Variants in NCOA2 observed in about 807,000 individuals in gnomAD.
The protein encoded by NCOA2 is nuclear receptor coactivator 2.
In NCOA2, 21 loss-of-function variants were observed where a neutral mutation model predicts 145.1. That is an observed-to-expected ratio of 0.14 (90% confidence interval 0.10 to 0.21). The LOEUF is 0.21. Ranked by LOEUF, NCOA2 falls within the 10% of genes least tolerant of loss-of-function variation. The pLI, the probability that NCOA2 is intolerant of heterozygous loss-of-function variation, is 1.00. For synonymous variants in NCOA2, 619 were observed against 637.5 expected, an observed-to-expected ratio of 0.97 and a Z score of 0.44; for missense variants, 1,472 against 1,837.6, an observed-to-expected ratio of 0.80 and a Z score of 3.64.
rs1367109709 is a variant in NCOA2 at position 70,245,432 on chromosome 8, G to A, written c.-19-28668C>T. ...GCCTTTTCTGCAGTCACATGACTCA[G>A]AAGCTACATTAGCAGAGCTTTATGA... On this transcript the variant is annotated intron_variant, in intron 2 of 22. Coordinates refer to ENST00000452400, the MANE Select transcript of NCOA2 (RefSeq NM_006540.4). The A allele has an allele frequency of 1.3e-5, 2 of 152,052 alleles. 1 individual carries two copies. The highest frequency in any genetic ancestry group is 2.9e-5 in the Non-Finnish European group (2 of 67,996). The allele number at this position is 152,052 out of a possible 1,614,324, so 9.4% of individuals were successfully genotyped here.
intron 1 of NCOA2, among the ~76,000 whole-genome samples, chr8:70,335,868 A>G (rs1318897672): frequency 6.6e-6 from 1 of 152,206 alleles, no homozygotes; most frequent in African/African-American, 2.4e-5. Flanking sequence ...CCTGTACAGT[A>G]TGCCATTGTA....
chr8:70,159,242 A>ATATATATATATATAT, intron 10 of NCOA2, among the ~76,000 whole-genome samples: 29 of 61,076 alleles, frequency 4.7e-4, no homozygotes, highest in African/African-American at 1.4e-3. Flanking sequence ...ATATATATAT[A>ATATATATATATATAT]TTTTTTTTTT....
intron 2 of NCOA2, among the ~76,000 whole-genome samples, chr8:70,220,397 G>A (rs1230840352): frequency 6.6e-6 from 1 of 152,110 alleles, no homozygotes; most frequent in African/African-American, 2.4e-5. Flanking sequence ...TGGGGGTTGT[G>A]AAAGGACAAG....
At chr8:70,172,293 T>C (rs1196768076) in intron 5 of NCOA2, among the ~76,000 whole-genome samples, 2 of 152,238 alleles carry the variant, frequency 1.3e-5, no homozygotes, top group Non-Finnish European at 2.9e-5. Context: ...GAATGTCACA[T>C]GTATACACAT....
chr8:70,187,724 T>TA (rs1438202062), intron 4 of NCOA2, among the ~76,000 whole-genome samples: 1 of 152,240 alleles, frequency 6.6e-6, no homozygotes, highest in African/African-American at 2.4e-5. Flanking sequence ...TTAACTGGTT[T>TA]AAATTACCTT....
intron 1 of NCOA2, among the ~76,000 whole-genome samples, chr8:70,325,933 C>T (rs888081919): frequency 3.3e-5 from 5 of 152,136 alleles, no homozygotes; most frequent in African/African-American, 9.7e-5. Flanking sequence ...GCTGACTGCT[C>T]TCCCTGGGAC....
chr8:70,297,503 T>C (rs975657372), intron 1 of NCOA2, among the ~76,000 whole-genome samples: 4 of 152,208 alleles, frequency 2.6e-5, no homozygotes, highest in African/African-American at 9.6e-5. Flanking sequence ...CCAGCTAATC[T>C]TTTATTTTTT....
At position 70,296,725 on chromosome 8, in the gene NCOA2, G is replaced by C. The variant is rs1418755909; in HGVS notation, c.-20+19C>G. ...TAAATATCAAAGTATCCAATATGAA[G>C]AATTCAACGTTAACTCACCTGTGCC... is the stretch of plus-strand genomic sequence containing the variant. On this transcript the variant is annotated intron_variant, in intron 2 of 22. Transcript: ENST00000452400. The C allele has an allele frequency of 6.6e-6, 1 of 152,084 alleles. No homozygotes were observed. 9.4% of individuals were successfully genotyped at this position (152,084 alleles called of 1,614,324 possible). A position where few individuals can be genotyped will look rare whatever the true frequency, so the allele number is the denominator to read the frequency against.
intron 1 of NCOA2, among the ~76,000 whole-genome samples, chr8:70,344,872 C>T (rs1586555664): frequency 6.6e-6 from 1 of 152,282 alleles, no homozygotes. Context: ...CTCAAGAAGA[C>T]AATTTATTTA....
chr8:70,378,873 T>C (rs930433382), intron 1 of NCOA2, among the ~76,000 whole-genome samples: 3 of 152,064 alleles, frequency 2.0e-5, no homozygotes, highest in Non-Finnish European at 4.4e-5. Context: ...GGCACTGTTG[T>C]CAGTGCCTCA....
intron 1 of NCOA2, among the ~76,000 whole-genome samples, chr8:70,387,719 G>A (rs2131559799): frequency 7.0e-6 from 1 of 142,560 alleles, no homozygotes; most frequent in South Asian, 2.6e-4. Context: ...GGAGGGCGGG[G>A]GGGCAGCTTG....
chr8:70,281,094 C>T (rs1465908553), intron 2 of NCOA2, among the ~76,000 whole-genome samples: 1 of 152,044 alleles, frequency 6.6e-6, no homozygotes, highest in Non-Finnish European at 1.5e-5. Flanking sequence ...TGGCTCATGC[C>T]TGTAATCCCA....
chr8:70,405,437 G>GTTTTTTTTTT (rs34814735), upstream of NCOA2, among the ~76,000 whole-genome samples: 67 of 59,386 alleles, frequency 1.1e-3, 16 homozygotes, highest in East Asian at 5.5e-3. Flanking sequence ...ATTTTTAAAG[G>GTTTTTTTTTT]TTTTTTTTTT....
chr8:70,123,814 A>C (rs1353013741), intron 21 of NCOA2, 70 bp downstream of exon 21: 1 of 1,323,530 alleles, frequency 7.6e-7, no homozygotes, highest in African/African-American at 1.5e-5. Flanking sequence ...ATGGAAAGAT[A>C]TATTTGATGC....
At chr8:70,416,369 G>A in the NCOA2 span, among the ~76,000 whole-genome samples, 1 of 151,992 alleles carries the variant, frequency 6.6e-6, no homozygotes, top group Non-Finnish European at 1.5e-5. Context: ...AATCACCACA[G>A]ACTACTATTT....
chr8:70,332,677 A>G (rs755536296), intron 1 of NCOA2, among the ~76,000 whole-genome samples: 3 of 152,196 alleles, frequency 2.0e-5, no homozygotes, highest in Admixed American at 2.0e-4. Flanking sequence ...TTTGATGCTT[A>G]TATCTAATTA....
intron 1 of NCOA2, among the ~76,000 whole-genome samples, chr8:70,346,351 T>G (rs182390069): frequency 1.4e-3 from 206 of 152,308 alleles, no homozygotes; most frequent in African/African-American, 4.8e-3. Flanking sequence ...TGCTAAACAT[T>G]TATTACTTCT....
rs746094143 is a variant in NCOA2, at chr8:70,148,356, T to C, written c.2522A>G (p.Asn841Ser). The C allele has an allele frequency of 3.1e-6, 5 of 1,614,024 alleles. No individual in the cohort carries two copies. Among genetic ancestry groups the C allele is most frequent in the South Asian group, 1.1e-5 (1 of 91,086 alleles). Residue 841 changes from asparagine to serine, a missense_variant, in exon 12 of 23, where the codon AAT (asparagine) becomes AGT (serine). Asn to Ser is a conservative substitution (Grantham distance 46). Coordinates refer to ENST00000452400, the MANE Select transcript of NCOA2 (RefSeq NM_006540.4). ...AGSVDKQAII[N>S]DLMQLTAENS... is the part of the protein sequence containing the mutation. The stretch of plus-strand genomic sequence containing the variant: ...TTCAGCTGTGAGTTGCATGAGGTCA[T>C]TGATGATGGCTTGCTTGTCAACTGA...
the NCOA2 span, among the ~76,000 whole-genome samples, chr8:70,421,112 C>G: frequency 2.0e-5 from 3 of 151,994 alleles, no homozygotes; most frequent in South Asian, 6.2e-4. Flanking sequence ...ATTTTTGGGG[C>G]TTTTACAAAA....
Sources: allele counts gnomAD v4.1 joint callset (sites outside exome capture counted in the v4.1 genomes callset), GRCh38; gene constraint gnomAD v4.1.1; transcripts MANE v1.5; gene names NCBI Gene and HGNC (gene_info 2026-07-23, HGNC 2026-07-21).